The following EXT2 variants were observed in gnomAD, a reference collection of about 807,000 sequenced individuals.
EXT2 encodes the protein exostosin glycosyltransferase 2, also known as exostosin-2.
In EXT2, 53 loss-of-function variants were observed where a neutral mutation model predicts 81.6. That is an observed-to-expected ratio of 0.65 (90% CI 0.52 to 0.82). The LOEUF is 0.82. Ranked by LOEUF, EXT2 falls within the 40% of genes least tolerant of loss-of-function variation. The pLI is 0.00. For missense variants in EXT2, 774 were observed against 910.2 expected (o/e 0.85, Z 1.93); for synonymous variants, 320 against 340.0 (o/e 0.94, Z 0.65).
intron 10 of EXT2, among the ~76,000 whole-genome samples, chr11:44,209,352 A>G (rs1263070775): frequency 2.0e-5 from 3 of 152,178 alleles, no homozygotes; most frequent in African/African-American, 7.2e-5. Context: ...TACAGATGCC[A>G]TGTTAGCTGC....
intron 7 of EXT2, among the ~76,000 whole-genome samples, chr11:44,154,450 T>C (rs1477981304): frequency 2.0e-5 from 3 of 152,136 alleles, no homozygotes; most frequent in African/African-American, 7.2e-5. Flanking sequence ...TTTCCATCCA[T>C]GTTGCAAATG....
At chr11:44,180,451 T>C (rs1400345486) in intron 8 of EXT2, among the ~76,000 whole-genome samples, 1 of 152,242 alleles carries the variant, frequency 6.6e-6, no homozygotes, top group African/African-American at 2.4e-5. Flanking sequence ...TAAATGCCTG[T>C]TGTTTTTTCC....
intron 6 of EXT2, among the ~76,000 whole-genome samples, chr11:44,128,915 G>A (rs1954449119): frequency 6.6e-6 from 1 of 152,206 alleles, no homozygotes; most frequent in Non-Finnish European, 1.5e-5. Flanking sequence ...GGATACGCTG[G>A]TGAGTGGAGC....
rs1353201253 is a variant in EXT2, at chr11:44,239,669, G to A, written c.2018+3294G>A. ...GCCTCCCAAAGTGCTGGGATTACAGGCATGAACCACCCTGCCTGGCTTTTT... is the reference window on the plus strand; with the variant it reads ...GCCTCCCAAAGTGCTGGGATTACAGACATGAACCACCCTGCCTGGCTTTTT... On this transcript the variant is annotated intron_variant, in intron 13 of 13. Coordinates refer to ENST00000533608, the MANE Select transcript of EXT2 (RefSeq NM_207122.2). Among the ~76,000 whole-genome samples, 14 of 146,848 alleles carry A rather than the reference G, an allele frequency of 9.5e-5. No homozygotes were observed. The East Asian group carries it at 2.8e-3, about 29-fold the overall frequency.
chr11:44,219,437 G>A (rs1955758563), intron 10 of EXT2, among the ~76,000 whole-genome samples: 1 of 152,090 alleles, frequency 6.6e-6, no homozygotes, highest in Non-Finnish European at 1.5e-5. Flanking sequence ...AGAATCACTT[G>A]AGTCTAGGAT....
At chr11:44,193,796 T>A (rs576946914) in intron 8 of EXT2, among the ~76,000 whole-genome samples, 1 of 152,184 alleles carries the variant, frequency 6.6e-6, no homozygotes, top group Non-Finnish European at 1.5e-5. Flanking sequence ...ATACCCCCCA[T>A]GCTGCCTTCC....
At chr11:44,185,687 A>G (rs1955301142) in intron 8 of EXT2, among the ~76,000 whole-genome samples, 1 of 152,338 alleles carries the variant, frequency 6.6e-6, no homozygotes, top group South Asian at 2.1e-4. Context: ...AGCTCAAACT[A>G]TACAGAAACT....
intron 13 of EXT2, among the ~76,000 whole-genome samples, chr11:44,237,958 G>A (rs182634342): frequency 1.3e-3 from 189 of 149,640 alleles, no homozygotes; most frequent in Middle Eastern, 3.5e-3. Flanking sequence ...GTGTGGTGGC[G>A]CATGCCTGTA....
chr11:44,215,448 G>A (rs371421808), intron 10 of EXT2, among the ~76,000 whole-genome samples: 27 of 152,170 alleles, frequency 1.8e-4, no homozygotes, highest in African/African-American at 6.3e-4. Flanking sequence ...TTCTACTGTG[G>A]TCAGAAAATA....
intron 8 of EXT2, among the ~76,000 whole-genome samples, chr11:44,190,145 C>T (rs762590052): frequency 2.0e-5 from 3 of 152,194 alleles, no homozygotes; most frequent in Non-Finnish European, 4.4e-5. Flanking sequence ...TAGGGAGTCT[C>T]TTTGAACCTA....
chr11:44,242,054 C>T lies in EXT2; in HGVS notation c.2019-2095C>T, dbSNP rs1023474195. Among the ~76,000 whole-genome samples, 9 of 152,158 alleles carry T rather than the reference C, an allele frequency of 5.9e-5. 1 individual carries two copies. The South Asian group carries it at 6.2e-4, about 11-fold the overall frequency. On this transcript the variant is annotated intron_variant, in intron 13 of 13. Coordinates refer to ENST00000533608, the MANE Select transcript of EXT2 (RefSeq NM_207122.2). ...CTTGCCTATGACCCATTCCTGTTGGCGGATCTAGTTACAGAGGAGACATTG... is the reference window on the plus strand; with the variant it reads ...CTTGCCTATGACCCATTCCTGTTGGTGGATCTAGTTACAGAGGAGACATTG...
At chr11:44,209,483 G>C (rs951664626) in intron 10 of EXT2, among the ~76,000 whole-genome samples, 1 of 152,288 alleles carries the variant, frequency 6.6e-6, no homozygotes, top group East Asian at 1.9e-4. Flanking sequence ...TTGAAGAAGG[G>C]ACTCAGTTTA....
intron 4 of EXT2, among the ~76,000 whole-genome samples, chr11:44,118,908 A>C (rs1590560760): frequency 6.6e-6 from 1 of 151,728 alleles, no homozygotes; most frequent in South Asian, 2.1e-4. Flanking sequence ...ATTTACTTAA[A>C]TCTGTTCTGT....
At chr11:44,237,231 C>T (rs1955976053) in intron 13 of EXT2, among the ~76,000 whole-genome samples, 1 of 152,056 alleles carries the variant, frequency 6.6e-6, no homozygotes, top group African/African-American at 2.4e-5. Flanking sequence ...GAATTCATTT[C>T]TGAAATCTGT....
intron 7 of EXT2, among the ~76,000 whole-genome samples, chr11:44,147,149 C>T (rs558537058): frequency 6.6e-6 from 1 of 152,330 alleles, no homozygotes; most frequent in South Asian, 2.1e-4. Flanking sequence ...TACTTGTACA[C>T]CCTAGCTCTC....
intron 13 of EXT2, among the ~76,000 whole-genome samples, chr11:44,237,902 TAAAA>T (rs374084527): frequency 3.5e-5 from 2 of 56,364 alleles, no homozygotes; most frequent in South Asian, 6.9e-4. Context: ...CGTCTCTACT[TAAAA>T]AAAAAAAAAA....
intron 7 of EXT2, among the ~76,000 whole-genome samples, chr11:44,136,998 G>A (rs1034469442): frequency 2.0e-5 from 3 of 151,450 alleles, no homozygotes; most frequent in Non-Finnish European, 4.4e-5. Context: ...TTTTTCAGTA[G>A]CACTCTATAT....
At chr11:44,232,075 T>C (rs1376881328) in intron 10 of EXT2, among the ~76,000 whole-genome samples, 2 of 152,178 alleles carry the variant, frequency 1.3e-5, no homozygotes, top group Non-Finnish European at 2.9e-5. Context: ...AGAGATTGCC[T>C]ACCTTGGCCC....
chr11:44,221,227 T>TA (rs1180280302), intron 10 of EXT2, among the ~76,000 whole-genome samples: 6 of 152,076 alleles, frequency 3.9e-5, no homozygotes, highest in Non-Finnish European at 8.8e-5. Flanking sequence ...CAAGCAGCCC[T>TA]AGTGAGGAAA....
Sources: gnomAD v4.1 joint callset for allele counts (sites outside exome capture counted in the v4.1 genomes callset) on GRCh38, gnomAD v4.1.1 for gene constraint, MANE v1.5 for transcripts, NCBI Gene and HGNC (gene_info 2026-07-23, HGNC 2026-07-21) for gene names.